The following TECPR1 variants were observed in gnomAD, a reference collection of about 807,000 sequenced individuals.
TECPR1 encodes the protein tectonin beta-propeller repeat containing 1, also known as tectonin beta-propeller repeat-containing protein 1.
Under a neutral mutation model 162.4 loss-of-function variants are expected in TECPR1, and 122 were observed. The observed-to-expected ratio is 0.75, with a 90% CI of 0.65 to 0.87. The LOEUF is 0.87. Among genes scored for constraint, TECPR1 ranks in the 40% least tolerant of loss-of-function variants. TECPR1 has a pLI of 0.00. For missense variants in TECPR1, 1,432 were observed against 1,618.2 expected, an observed-to-expected ratio of 0.88 and a Z score of 1.97; for synonymous variants, 642 against 670.6, an observed-to-expected ratio of 0.96 and a Z score of 0.66.
rs559180605 is a variant in TECPR1, at chr7:98,229,717, G to A, written c.2283-551C>T. 2.5e-4 allele frequency among the ~76,000 whole-genome samples: 38 copies of A among 152,304 alleles called. 1 individual carries two copies. The South Asian group carries it at 4.3e-3, about 17-fold the overall frequency. On this transcript the variant is annotated intron_variant, in intron 15 of 25. Transcript: ENST00000447648. ...GTGCAGGTCACAGCCTCCTGCGGCC[G>A]AGGCCCTGTCACTGTCACTGTCACC...
At position 98,223,084 on chromosome 7, in the gene TECPR1, C is replaced by T. The variant is rs1798184383; in HGVS notation, c.2834G>A (p.Gly945Asp). 2 of 1,603,850 alleles carry T rather than the reference C, an allele frequency of 1.2e-6. No homozygotes were observed. The highest frequency in any genetic ancestry group is 1.7e-6 in the Non-Finnish European group (2 of 1,175,896). Residue 945 changes from glycine (G) to aspartate (D), a missense_variant, in exon 21 of 26, where the codon GGT becomes GAT. Physicochemically the swap from Gly to Asp is moderately conservative, Grantham distance 94. Transcript: ENST00000447648. ...RDVSIIPESPGAEGSGHSIAL... is the reference protein window; with the variant it reads ...RDVSIIPESPDAEGSGHSIAL... ...GATGCTGTGCCCACTCCCCTCGGCA[C>T]CCGGGCTCTCCGGGATGATGGACAC...
At position 98,244,676 on chromosome 7, in the gene TECPR1, G is replaced by A. The variant is rs367986219; in HGVS notation, c.426C>T (p.Ile142=). The A allele has an allele frequency of 3.4e-5, 54 of 1,611,876 alleles. No individual in the cohort carries two copies. The highest frequency in any genetic ancestry group is 1.6e-4 in the Middle Eastern group (1 of 6,084). ...PTEKGGWTYA[I]DFPATYTKDK... ...CTTTCGTGTAGGTGGCGGGAAAGTC[G>A]ATGGCGTACGTCCACCCCTGAAACA... Residue 142 remains isoleucine, a synonymous_variant, in exon 5 of 26, where the codon ATC becomes ATT. Coordinates refer to ENST00000447648, the MANE Select transcript of TECPR1 (RefSeq NM_015395.3).
At chr7:98,237,529 C>A (rs1003200398) in intron 9 of TECPR1, among the ~76,000 whole-genome samples, 4 of 151,230 alleles carry the variant, frequency 2.6e-5, no homozygotes, top group Admixed American at 2.6e-4. Flanking sequence ...AGTGCAGTGG[C>A]GTGATTTCGG....
chr7:98,222,558 GC>G, intron 21 of TECPR1, 37 bp from the exon 22 acceptor site: 1 of 1,546,984 alleles, frequency 6.5e-7, no homozygotes, highest in Non-Finnish European at 8.7e-7. Flanking sequence ...GGTCACCAGG[GC>G]CCCCACCCCC....
At chr7:98,240,779 G>T in intron 8 of TECPR1, 72 bp downstream of exon 8, 2 of 1,271,020 alleles carry the variant, frequency 1.6e-6, no homozygotes, top group Non-Finnish European at 2.2e-6. Context: ...GGAGTCCAGT[G>T]GTGTGATCAC....
chr7:98,232,892 G>A lies in TECPR1; in HGVS notation c.1753C>T (p.Gln585Ter), dbSNP rs372759107. ...TAAWRKQIFQ[Q>*]LTERTKRELE... ...TCCCGCTTGGTCCTTTCCGTGAGCT[G>A]CTGGAAGATCTGCTTCCTCCAGGCA... is the stretch of plus-strand genomic sequence containing the variant. The change falls in exon 12 of 26, where the codon CAG becomes TAG. Residue 585 changes from glutamine (Q) to a stop codon, truncating the protein, a stop_gained. Coordinates refer to ENST00000447648, the MANE Select transcript of TECPR1 (RefSeq NM_015395.3). LOFTEE classifies it high-confidence loss of function. This position sits in a 1 kb window ranked among gnomAD's most constrained non-coding sequence, Gnocchi z 4.6. The A allele has an allele frequency of 9.3e-6, 15 of 1,612,854 alleles. No homozygotes were observed. The highest frequency in any genetic ancestry group is 1.3e-5 in the Non-Finnish European group (15 of 1,179,814).
intron 15 of TECPR1, 74 bp downstream of exon 15, chr7:98,230,887 G>C (rs1238048604): frequency 5.2e-6 from 8 of 1,538,074 alleles, no homozygotes; most frequent in Admixed American, 1.9e-5. Context: ...CCAGTCCTCT[G>C]GATCCCCCTT....
At chr7:98,235,910 T>C (rs940768010) in intron 10 of TECPR1, among the ~76,000 whole-genome samples, 1 of 150,208 alleles carries the variant, frequency 6.7e-6, no homozygotes, top group Non-Finnish European at 1.5e-5. Flanking sequence ...GCCCTGGCTG[T>C]CCTCCCTGGG....
At chr7:98,231,487 GGCACCCCCA>G in intron 13 of TECPR1, 114 bp from the exon 14 acceptor site, 2 of 1,170,826 alleles carry the variant, frequency 1.7e-6, no homozygotes, top group Non-Finnish European at 2.4e-6. Flanking sequence ...CCTCTCTCCT[GGCACCCCCA>G]GCCCTGCCCC....
At chr7:98,240,974 C>A (rs1288270681) in intron 7 of TECPR1, 23 bp from the exon 8 acceptor site, 2 of 1,592,810 alleles carry the variant, frequency 1.3e-6, no homozygotes, top group Non-Finnish European at 8.5e-7. Flanking sequence ...CAAGAAACCC[C>A]CAGTGGCCCC....
In TECPR1 at chr7:98,233,705, G is replaced by A. The variant is rs201482817; in HGVS notation, c.1388C>T (p.Pro463Leu). The change falls in exon 11 of 26, where the codon CCA becomes CTA. Residue 463 changes from proline (P) to leucine (L), a missense_variant. Pro to Leu is a moderately conservative substitution (Grantham distance 98). Transcript: ENST00000447648. Reference sequence around the variant, plus strand: ...TCTGGCCTCCCTGCTGCCCTCGGCTGGGCAGGCATCTTCCACGGTATCTTC... The same window carrying A: ...TCTGGCCTCCCTGCTGCCCTCGGCTAGGCAGGCATCTTCCACGGTATCTTC... ...TAEDTVEDAC[P>L]AEGSREARPN... 2.2e-5 allele frequency: 35 copies of A among 1,611,646 alleles called. No individual in the cohort carries two copies. In the East Asian group the frequency reaches 6.7e-4, roughly 31 times the overall value.
At chr7:98,239,279 G>A (rs1055950753) in intron 8 of TECPR1, among the ~76,000 whole-genome samples, 7 of 152,204 alleles carry the variant, frequency 4.6e-5, no homozygotes, top group East Asian at 3.8e-4. Context: ...TGCCAGACAC[G>A]GTGGCTCACA....
intron 15 of TECPR1, among the ~76,000 whole-genome samples, chr7:98,229,867 A>G (rs1289083258): frequency 2.0e-5 from 3 of 152,004 alleles, no homozygotes; most frequent in Admixed American, 6.6e-5. Flanking sequence ...CGGCTTGGGA[A>G]CAACCCCAGG....
chr7:98,233,342 AC>A, intron 11 of TECPR1, 78 bp downstream of exon 11: 1 of 1,379,908 alleles, frequency 7.2e-7, no homozygotes, highest in Non-Finnish European at 9.4e-7. Context: ...GAGCCCCCTG[AC>A]CCCGGCCTCC....
chr7:98,252,061 T>C (rs1799077308), intron 1 of TECPR1, 65 bp downstream of exon 1: 1 of 152,500 alleles, frequency 6.6e-6, no homozygotes, highest in Non-Finnish European at 1.5e-5. Flanking sequence ...GCCCAGCCCT[T>C]CATCGCCCCA....
intron 3 of TECPR1, among the ~76,000 whole-genome samples, chr7:98,245,634 G>C (rs1364570230): frequency 6.6e-6 from 1 of 152,082 alleles, no homozygotes; most frequent in East Asian, 1.9e-4. Flanking sequence ...ACCACACCCT[G>C]CTAATTCTTG....
At chr7:98,230,811 TGG>T in intron 15 of TECPR1, 148 bp downstream of exon 15, 3 of 1,087,718 alleles carry the variant, frequency 2.8e-6, no homozygotes, top group Non-Finnish European at 3.8e-6. Context: ...CAGGGGGACT[TGG>T]GGGCCTGGGA....
At chr7:98,230,444 G>A (rs1235007406) in intron 15 of TECPR1, among the ~76,000 whole-genome samples, 1 of 151,938 alleles carries the variant, frequency 6.6e-6, no homozygotes, top group African/African-American at 2.4e-5. Flanking sequence ...AGTGCCAAAC[G>A]TCAAGTCCTC....
Position 98,241,070 on chromosome 7 carries a change from C to A in TECPR1, c.832G>T (p.Gly278Ter). 1 of 1,603,746 alleles carries A rather than the reference C, an allele frequency of 6.2e-7. No individual in the cohort carries two copies. The change falls in exon 7 of 26, where the codon GGA becomes TGA. Residue 278 changes from glycine (G) to a stop codon, truncating the protein, a stop_gained and splice_region_variant. Transcript: ENST00000447648. LOFTEE classifies it high-confidence loss of function. The surrounding 1 kb of genome is among the most constrained non-coding windows in gnomAD (Gnocchi z 5.0). ...TGGGTGGGGGAGCCGGGCTGCCCAC[C>A]TTTGGGATTGCTCCTGTTGATTCCT... ...REGINRSNPK[G>*]SSWSIVEPPG...
Sources: gnomAD v4.1 joint callset for allele counts (sites outside exome capture counted in the v4.1 genomes callset) on GRCh38, gnomAD v4.1.1 for gene constraint, Gnocchi (gnomAD v3.1) non-coding constraint, MANE v1.5 for transcripts, NCBI Gene and HGNC (gene_info 2026-07-23, HGNC 2026-07-21) for gene names.